Variants in STARD13 observed in about 807,000 individuals in gnomAD.
STARD13 encodes StAR related lipid transfer domain containing 13, also known as stAR-related lipid transfer protein 13.
In STARD13, 62 loss-of-function variants were observed where a neutral mutation model predicts 106.4. The ratio of observed to expected loss-of-function variants is 0.58; its 90% confidence interval spans 0.48 to 0.72. The LOEUF is 0.72. Ranked by LOEUF, STARD13 falls within the 30% of genes least tolerant of loss-of-function variation. STARD13 has a pLI of 0.00. For missense variants in STARD13, 1,387 were observed against 1,424.0 expected, an observed-to-expected ratio of 0.97 and a Z score of 0.42; for synonymous variants, 565 against 553.0, an observed-to-expected ratio of 1.02 and a Z score of -0.31.
chr13:33,215,128 G>GT lies in STARD13; in HGVS notation c.170-47507_170-47506insA, dbSNP rs1158576424. Among the ~76,000 whole-genome samples, 291 of 116,962 alleles carry GT rather than the reference G, an allele frequency of 2.5e-3. 2 individuals are homozygous for GT. The highest frequency in any genetic ancestry group is 0.01 in the African/African-American group (283 of 27,896). The allele number at this position is 116,962 out of a possible 152,430, so 76.7% of individuals were successfully genotyped here. ...GAATAGAATGAGTACTTGGGGGGGG[G>GT]GGTGGGGGGAAATAAGCACCTCTCA... is the stretch of plus-strand genomic sequence containing the variant. On this transcript the variant is annotated intron_variant, in intron 1 of 13. Transcript: ENST00000336934.
intron 1 of STARD13, among the ~76,000 whole-genome samples, chr13:33,229,049 C>A (rs1888768981): frequency 6.6e-6 from 1 of 152,216 alleles, no homozygotes; most frequent in Non-Finnish European, 1.5e-5. Context: ...CAGACTCTGG[C>A]AGGCTTTGAC....
At chr13:33,428,589 G>C in the STARD13 span, among the ~76,000 whole-genome samples, 1 of 151,944 alleles carries the variant, frequency 6.6e-6, no homozygotes, top group African/African-American at 2.4e-5. Flanking sequence ...AATCATCAGA[G>C]AGGTGAAAAT....
rs1011722171 is a variant in STARD13, at chr13:33,210,518, C to T, written c.170-42896G>A. ...TTAGGGTTGTTGCACAGATTTAGTG[C>T]GTTAATGTACATAAAATGCTTGCCA... On this transcript the variant is annotated intron_variant, in intron 1 of 13. Transcript: ENST00000336934. Among the ~76,000 whole-genome samples the T allele has an allele frequency of 4.6e-5, 7 of 152,104 alleles. No homozygotes were observed. In the East Asian group the frequency reaches 7.7e-4, roughly 17 times the overall value.
At chr13:33,127,256 A>G (rs780909805) in intron 6 of STARD13, 117 bp downstream of exon 6, 14 of 1,142,740 alleles carry the variant, frequency 1.2e-5, no homozygotes, top group African/African-American at 1.6e-5. Flanking sequence ...CCAGGAGATC[A>G]TCAGTGAAGG....
the STARD13 span, among the ~76,000 whole-genome samples, chr13:33,416,805 T>A: frequency 1.3e-5 from 2 of 152,148 alleles, no homozygotes; most frequent in African/African-American, 4.8e-5. Context: ...TTCTTAGAGA[T>A]GATCTAAAAA....
intron 1 of STARD13, among the ~76,000 whole-genome samples, chr13:33,228,027 G>T (rs1888712265): frequency 6.6e-6 from 1 of 152,220 alleles, no homozygotes; most frequent in Non-Finnish European, 1.5e-5. Context: ...GCGTGGTGGG[G>T]GAAGGGAGAT....
At chr13:33,190,319 G>T (rs1367312694) in intron 1 of STARD13, among the ~76,000 whole-genome samples, 2 of 152,146 alleles carry the variant, frequency 1.3e-5, no homozygotes, top group African/African-American at 2.4e-5. Context: ...TACTTGGGAG[G>T]CTGAAGTGGG....
chr13:33,614,672 C>T, the STARD13 span, among the ~76,000 whole-genome samples: 2 of 152,198 alleles, frequency 1.3e-5, no homozygotes, highest in Non-Finnish European at 2.9e-5. Context: ...GGAGGCCAGA[C>T]AATCTGACAA....
At chr13:33,162,813 T>C (rs546189236) in intron 3 of STARD13, among the ~76,000 whole-genome samples, 16 of 152,198 alleles carry the variant, frequency 1.1e-4, no homozygotes, top group Non-Finnish European at 2.4e-4. Context: ...CTTTCCCACA[T>C]TTTCCTGTCT....
At chr13:33,608,955 G>T in the STARD13 span, among the ~76,000 whole-genome samples, 1 of 151,362 alleles carries the variant, frequency 6.6e-6, no homozygotes, top group Non-Finnish European at 1.5e-5. Flanking sequence ...GCGTGGTGGC[G>T]GGCGCCTGTA....
intron 6 of STARD13, among the ~76,000 whole-genome samples, chr13:33,126,719 A>G (rs1186072331): frequency 6.6e-6 from 1 of 152,224 alleles, no homozygotes; most frequent in East Asian, 1.9e-4. Context: ...AGAAGCATAT[A>G]TTGATTTGAC....
chr13:33,262,252 G>A lies in STARD13; in HGVS notation c.169+23218C>T, dbSNP rs1417773050. Among the ~76,000 whole-genome samples, 6 of 152,188 alleles carry A rather than the reference G, an allele frequency of 3.9e-5. No individual in the cohort carries two copies. In the East Asian group the frequency reaches 1.2e-3, roughly 29 times the overall value. Reference sequence around the variant, plus strand: ...TCTATCAGCAAGGATGACTCACAGTGAGACATTCTGCATCAGGTGGCATGA... The same window carrying A: ...TCTATCAGCAAGGATGACTCACAGTAAGACATTCTGCATCAGGTGGCATGA... On this transcript the variant is annotated intron_variant, in intron 1 of 13. Coordinates refer to ENST00000336934, the MANE Select transcript of STARD13 (RefSeq NM_178006.4).
the STARD13 span, among the ~76,000 whole-genome samples, chr13:33,540,767 T>C: frequency 2.0e-5 from 3 of 152,138 alleles, no homozygotes; most frequent in Non-Finnish European, 4.4e-5. Flanking sequence ...GTTGAGGAAG[T>C]TGATAATTTG....
At chr13:33,142,418 T>C (rs1458095318) in intron 3 of STARD13, 45 bp from the exon 4 acceptor site, 1 of 1,515,550 alleles carries the variant, frequency 6.6e-7, no homozygotes, top group South Asian at 1.1e-5. Flanking sequence ...CTAATGAATT[T>C]AAATCTCTCC....
At chr13:33,671,729 C>CTAAA in the STARD13 span, among the ~76,000 whole-genome samples, 1 of 151,262 alleles carries the variant, frequency 6.6e-6, no homozygotes, top group Admixed American at 6.6e-5. Context: ...GACCCTGTCT[C>CTAAA]TAAATAAATA....
intron 4 of STARD13, among the ~76,000 whole-genome samples, chr13:33,133,238 T>C (rs1009549052): frequency 1.3e-5 from 2 of 152,008 alleles, no homozygotes; most frequent in Non-Finnish European, 2.9e-5. Flanking sequence ...AGCTGGGCAC[T>C]GTGGCCTGGG....
chr13:33,289,094 G>A (rs925765010), upstream of STARD13, among the ~76,000 whole-genome samples: 11 of 152,144 alleles, frequency 7.2e-5, no homozygotes, highest in Admixed American at 1.3e-4. Context: ...AGTGCATGAA[G>A]TCCTATGGAA....
At chr13:33,309,571 A>T (rs1893054340) in intron 1 of STARD13, among the ~76,000 whole-genome samples, 1 of 152,206 alleles carries the variant, frequency 6.6e-6, no homozygotes, top group Non-Finnish European at 1.5e-5. Flanking sequence ...GAGAGGAGAG[A>T]GAACAGCCGT....
At chr13:33,141,042 G>A (rs1167249224) in intron 4 of STARD13, among the ~76,000 whole-genome samples, 2 of 152,040 alleles carry the variant, frequency 1.3e-5, no homozygotes, top group Non-Finnish European at 2.9e-5. Flanking sequence ...ACAGGTGTGA[G>A]CCACCGCAAC....
Sources: gnomAD v4.1 joint callset for allele counts (sites outside exome capture counted in the v4.1 genomes callset) on GRCh38, gnomAD v4.1.1 for gene constraint, MANE v1.5 for transcripts, NCBI Gene and HGNC (gene_info 2026-07-23, HGNC 2026-07-21) for gene names.